Variants in PDE4D observed in about 807,000 individuals in gnomAD.
The protein encoded by PDE4D is phosphodiesterase 4D.
PDE4D carries 24 observed loss-of-function variants against 87.4 expected under a neutral mutation model. The observed-to-expected ratio is 0.27, with a 90% confidence interval of 0.20 to 0.39. The LOEUF (loss-of-function observed/expected upper bound fraction) is 0.39, where lower values mean the gene tolerates loss of function less well. PDE4D is among the 10% of genes least tolerant of loss of function. The pLI is 1.00. For synonymous variants in PDE4D, 384 were observed against 383.2 expected, an observed-to-expected ratio of 1.00 and a Z score of -0.02; for missense variants, 714 against 1,041.0, an observed-to-expected ratio of 0.69 and a Z score of 4.32.
intron 1 of PDE4D, among the ~76,000 whole-genome samples, chr5:59,354,734 T>C (rs560591658): frequency 2.6e-5 from 4 of 152,324 alleles, no homozygotes; most frequent in African/African-American, 9.6e-5. Flanking sequence ...TTATGATAGA[T>C]ATGATCATAT....
chr5:60,426,077 C>CTG (rs1743685449), intron 1 of PDE4D, among the ~76,000 whole-genome samples: 1 of 151,952 alleles, frequency 6.6e-6, no homozygotes, highest in Non-Finnish European at 1.5e-5. Flanking sequence ...TGCCTTTACA[C>CTG]TTGGTGGGAG....
intron 1 of PDE4D, among the ~76,000 whole-genome samples, chr5:59,688,218 C>G (rs6887609): frequency 1.6e-4 from 24 of 152,244 alleles, no homozygotes; most frequent in African/African-American, 5.1e-4. Flanking sequence ...ACCAAGTGGA[C>G]CTAATAGACA....
At chr5:59,336,561 C>T in intron 1 of PDE4D, among the ~76,000 whole-genome samples, 1 of 152,234 alleles carries the variant, frequency 6.6e-6, no homozygotes, top group South Asian at 2.1e-4. Flanking sequence ...AGCTTATTGA[C>T]TACTTTTTAA....
intron 1 of PDE4D, among the ~76,000 whole-genome samples, chr5:60,498,747 T>G (rs980402120): frequency 9.2e-5 from 14 of 152,166 alleles, no homozygotes; most frequent in African/African-American, 3.4e-4. Flanking sequence ...TCTTGTCTGT[T>G]CAAATTTAGC....
chr5:59,606,938 G>A (rs1366306503), intron 1 of PDE4D, among the ~76,000 whole-genome samples: 1 of 151,730 alleles, frequency 6.6e-6, no homozygotes, highest in East Asian at 1.9e-4. Flanking sequence ...TCTTACAGAA[G>A]GGGGGGAAGG....
At chr5:59,360,146 A>G (rs148224512) in intron 1 of PDE4D, among the ~76,000 whole-genome samples, 10 of 152,304 alleles carry the variant, frequency 6.6e-5, no homozygotes, top group Non-Finnish European at 1.2e-4. Flanking sequence ...GATAGCTACT[A>G]TGAATAAAAA....
At chr5:59,078,490 A>T (rs1766091609) in intron 5 of PDE4D, among the ~76,000 whole-genome samples, 2 of 151,482 alleles carry the variant, frequency 1.3e-5, no homozygotes. Context: ...CCATTGTAAC[A>T]GTATTAAGAG....
intron 1 of PDE4D, among the ~76,000 whole-genome samples, chr5:59,501,756 A>G (rs772721911): frequency 9.2e-5 from 14 of 152,142 alleles, no homozygotes; most frequent in Non-Finnish European, 7.4e-5. Flanking sequence ...ACACTACCTA[A>G]CTACACTGGG....
intron 1 of PDE4D, among the ~76,000 whole-genome samples, chr5:59,689,405 G>A (rs901184891): frequency 6.6e-6 from 1 of 152,136 alleles, no homozygotes; most frequent in South Asian, 2.1e-4. Context: ...GGGATGCAAG[G>A]CTGGTTCAAC....
At chr5:59,207,695 C>A (rs1453456236) in intron 2 of PDE4D, among the ~76,000 whole-genome samples, 1 of 151,128 alleles carries the variant, frequency 6.6e-6, no homozygotes, top group Non-Finnish European at 1.5e-5. Context: ...TACCACTTCT[C>A]CCTGCATTTT....
intron 1 of PDE4D, among the ~76,000 whole-genome samples, chr5:60,259,341 G>A (rs759003169): frequency 3.3e-5 from 5 of 151,982 alleles, no homozygotes; most frequent in Admixed American, 6.6e-5. Context: ...AGAAAATGTC[G>A]TGGCATTTTG....
chr5:59,914,867 GTGTGT>G (rs1753859936), intron 3 of PDE4D, among the ~76,000 whole-genome samples: 2 of 16,146 alleles, frequency 1.2e-4, no homozygotes, highest in Non-Finnish European at 3.0e-4. Flanking sequence ...ACTGATAGGG[GTGTGT>G]GTGTGTGTGT....
At chr5:60,192,728 A>G (rs1785294551) in intron 1 of PDE4D, among the ~76,000 whole-genome samples, 1 of 152,188 alleles carries the variant, frequency 6.6e-6, no homozygotes, top group Non-Finnish European at 1.5e-5. Context: ...AGTTAGCAAA[A>G]TATTAGTAGT....
chr5:60,216,054 G>A (rs760327319), intron 1 of PDE4D, among the ~76,000 whole-genome samples: 4 of 152,110 alleles, frequency 2.6e-5, no homozygotes, highest in Non-Finnish European at 4.4e-5. Flanking sequence ...GATCTTTTAA[G>A]GGTGATAATT....
At chr5:59,173,352 T>A (rs1358638078) in intron 5 of PDE4D, among the ~76,000 whole-genome samples, 3 of 152,172 alleles carry the variant, frequency 2.0e-5, no homozygotes, top group South Asian at 2.1e-4. Flanking sequence ...AATAAAAGCA[T>A]AAAAGGCCAA....
chr5:59,148,261 A>G (rs1430396778), intron 5 of PDE4D, among the ~76,000 whole-genome samples: 1 of 152,224 alleles, frequency 6.6e-6, no homozygotes, highest in Admixed American at 6.5e-5. Flanking sequence ...AGTTGAGGGT[A>G]GAAGAGAAAA....
In PDE4D at chr5:59,388,626, T is replaced by TACACACACACACAC. The variant is rs71604788; in HGVS notation, c.456-172672_456-172659dup. On this transcript the variant is annotated intron_variant, in intron 1 of 14. Coordinates refer to ENST00000340635, the MANE Select transcript of PDE4D (RefSeq NM_001104631.2). Reference sequence around the variant, plus strand: ...CAATGAATGGATAAAGAAAATGTGGTACACACACACACACACACACACTCA... The same window carrying TACACACACACACAC: ...CAATGAATGGATAAAGAAAATGTGGTACACACACACACACACACACACACACACACACACACTCA... Among the ~76,000 whole-genome samples the TACACACACACACAC allele has an allele frequency of 8.0e-3, 1,191 of 148,280 alleles. 9 individuals carry two copies. Among genetic ancestry groups the TACACACACACACAC allele is most frequent in the South Asian group, 0.032 (147 of 4,650 alleles).
intron 1 of PDE4D, among the ~76,000 whole-genome samples, chr5:59,717,709 T>C (rs1485958736): frequency 6.6e-6 from 1 of 152,198 alleles, no homozygotes; most frequent in African/African-American, 2.4e-5. Flanking sequence ...ATTAGAAACA[T>C]TTAAGTTTCC....
Position 59,130,648 on chromosome 5 carries a change from C to T in PDE4D, c.808+49947G>A, listed in dbSNP as rs115235991. Among the ~76,000 whole-genome samples the T allele has an allele frequency of 7.6e-3, 1,157 of 152,238 alleles. 13 individuals are homozygous for T. Among genetic ancestry groups the T allele is most frequent in the African/African-American group, 0.026 (1,083 of 41,540 alleles). ...CTAGATTGCATATGATTCAGGGAAA[C>T]CCAGATGTCAAAAGGGTGTGTGAAT... is the stretch of plus-strand genomic sequence containing the variant. On this transcript the variant is annotated intron_variant, in intron 5 of 14. Coordinates refer to ENST00000340635, the MANE Select transcript of PDE4D (RefSeq NM_001104631.2).
Sources: gnomAD v4.1 joint callset for allele counts (sites outside exome capture counted in the v4.1 genomes callset) on GRCh38, gnomAD v4.1.1 for gene constraint, MANE v1.5 for transcripts, NCBI Gene and HGNC (gene_info 2026-07-23, HGNC 2026-07-21) for gene names.